Variants in IPMK observed in about 807,000 individuals in gnomAD.
IPMK encodes inositol 1,3,4,6-tetrakisphosphate 5-kinase.
IPMK carries 17 observed loss-of-function variants against 45.8 expected under a neutral mutation model. The ratio of observed to expected loss-of-function variants is 0.37; its 90% confidence interval spans 0.25 to 0.56. IPMK has a LOEUF of 0.56. Ranked by LOEUF, IPMK falls within the 20% of genes least tolerant of loss-of-function variation. IPMK has a pLI of 0.79. For synonymous variants in IPMK, 180 were observed against 184.3 expected (o/e 0.98, Z 0.19); for missense variants, 399 against 498.0 (o/e 0.80, Z 1.89).
In IPMK at chr10:58,211,718, A is replaced by T. The variant is rs188781886; in HGVS notation, c.546+4427T>A. Reference sequence around the variant, plus strand: ...TCAGTGCAACAGTGAAACAGTGCACAGTAGCAACAATGAAACCTCATCTGT... The same window carrying T: ...TCAGTGCAACAGTGAAACAGTGCACTGTAGCAACAATGAAACCTCATCTGT... On this transcript the variant is annotated intron_variant, in intron 4 of 5. Coordinates refer to ENST00000373935, the MANE Select transcript of IPMK (RefSeq NM_152230.5). Among the ~76,000 whole-genome samples, 4 of 149,246 alleles carry T rather than the reference A, an allele frequency of 2.7e-5. No homozygotes were observed. In the East Asian group the frequency reaches 7.9e-4, roughly 30 times the overall value.
In IPMK at chr10:58,195,090, A is replaced by G. The variant is rs1422857879; in HGVS notation, c.*986T>C. The G allele has an allele frequency of 6.6e-6, 1 of 152,042 alleles. No homozygotes were observed. 9.4% of individuals were successfully genotyped at this position (152,042 alleles called of 1,614,324 possible). A position where few individuals can be genotyped will look rare whatever the true frequency, so the allele number is the denominator to read the frequency against. ...ACAACCTAATTAGATATTGTCTTTC[A>G]TTGCTTACTATAATTCTGAGAAACT... is the stretch of plus-strand genomic sequence containing the variant. On this transcript the variant is annotated 3_prime_UTR_variant, in exon 6 of 6. Coordinates refer to ENST00000373935, the MANE Select transcript of IPMK (RefSeq NM_152230.5).
At chr10:58,208,914 T>C (rs1377880275) in intron 4 of IPMK, among the ~76,000 whole-genome samples, 1 of 152,166 alleles carries the variant, frequency 6.6e-6, no homozygotes, top group African/African-American at 2.4e-5. Flanking sequence ...CTGGGGTGGC[T>C]CTCAATTAGA....
At chr10:58,230,040 G>A (rs538912747) in intron 2 of IPMK, among the ~76,000 whole-genome samples, 5 of 152,188 alleles carry the variant, frequency 3.3e-5, no homozygotes, top group Non-Finnish European at 4.4e-5. Context: ...CCATGCCCAC[G>A]GAGCCTTGCT....
intron 4 of IPMK, among the ~76,000 whole-genome samples, chr10:58,211,919 A>AAAT (rs1554823050): frequency 3.4e-5 from 5 of 148,188 alleles, no homozygotes; most frequent in African/African-American, 1.3e-4. Context: ...AAAAAAAAAA[A>AAAT]AAAAAATTTG....
rs527482374 is a variant in IPMK at position 58,253,142 on chromosome 10, A to G, written c.190+14280T>C. On this transcript the variant is annotated intron_variant, in intron 1 of 5. Coordinates refer to ENST00000373935, the MANE Select transcript of IPMK (RefSeq NM_152230.5). ...TCTTTTGGTAGTGAATAAGTCTCTG[A>G]TAGTTTTATAAATGGAAGTTCCACT... Among the ~76,000 whole-genome samples the G allele has an allele frequency of 5.7e-4, 87 of 152,208 alleles. 1 individual carries two copies. The South Asian group carries it at 0.017, about 31-fold the overall frequency.
chr10:58,240,657 G>GAAAAAAAAA (rs200716414), intron 1 of IPMK, among the ~76,000 whole-genome samples: 1 of 114,042 alleles, frequency 8.8e-6, no homozygotes. Flanking sequence ...CATACACCAC[G>GAAAAAAAAA]AAAAAAAAAA....
chr10:58,212,539 CT>C, intron 4 of IPMK: 2 of 208,114 alleles, frequency 9.6e-6, no homozygotes, highest in Non-Finnish European at 1.1e-5. Flanking sequence ...TTTGTTAACC[CT>C]TTTCCATTTC....
At chr10:58,249,030 T>A (rs2132173136) in intron 1 of IPMK, among the ~76,000 whole-genome samples, 1 of 152,366 alleles carries the variant, frequency 6.6e-6, no homozygotes, top group Middle Eastern at 3.4e-3. Flanking sequence ...TACTGATTTC[T>A]TTTGGATATA....
intron 3 of IPMK, among the ~76,000 whole-genome samples, chr10:58,220,319 T>G: frequency 2.6e-5 from 4 of 152,190 alleles, no homozygotes. Flanking sequence ...TAGACTCAGA[T>G]GCATGGCCCT....
At chr10:58,218,956 A>T (rs1475145188) in intron 3 of IPMK, among the ~76,000 whole-genome samples, 3 of 152,188 alleles carry the variant, frequency 2.0e-5, no homozygotes, top group Non-Finnish European at 4.4e-5. Context: ...GGCCTTCCTC[A>T]CACTATAATA....
In IPMK at chr10:58,267,407, GCCACCC is replaced by G; in HGVS notation, c.190+9_190+14del. On this transcript the variant is annotated intron_variant, in intron 1 of 5. Coordinates refer to ENST00000373935, the MANE Select transcript of IPMK (RefSeq NM_152230.5). ...GCGGAAGGGGAGCGGCGAGACCTAT[GCCACCC>G]CCACTTACCCACTTTGTCCTTCCCG... The G allele has an allele frequency of 6.2e-7, 1 of 1,612,726 alleles. No individual in the cohort carries two copies. The highest frequency in any genetic ancestry group is 8.5e-7 in the Non-Finnish European group (1 of 1,179,008).
At chr10:58,229,891 A>G (rs1296659250) in intron 2 of IPMK, among the ~76,000 whole-genome samples, 1 of 152,060 alleles carries the variant, frequency 6.6e-6, no homozygotes, top group Non-Finnish European at 1.5e-5. Context: ...GAGTTGGGGG[A>G]TTTCCCTTTC....
At chr10:58,196,755 G>T in intron 5 of IPMK, 57 bp from the exon 6 acceptor site, 3 of 1,181,202 alleles carry the variant, frequency 2.5e-6, no homozygotes, top group Non-Finnish European at 3.6e-6. Flanking sequence ...TATTATTTGG[G>T]AAGTAAACTC....
chr10:58,208,446 G>A (rs1044056996), intron 4 of IPMK, among the ~76,000 whole-genome samples: 4 of 151,334 alleles, frequency 2.6e-5, no homozygotes, highest in Non-Finnish European at 4.4e-5. Context: ...ATTCCTTCTC[G>A]TTTGGGTAGA....
At chr10:58,226,459 T>C (rs1290628427) in intron 3 of IPMK, among the ~76,000 whole-genome samples, 1 of 152,216 alleles carries the variant, frequency 6.6e-6, no homozygotes, top group East Asian at 1.9e-4. Context: ...TCAATTCACC[T>C]TTGTCAATGG....
intron 2 of IPMK, among the ~76,000 whole-genome samples, chr10:58,231,534 A>G (rs1838520745): frequency 1.3e-5 from 2 of 152,202 alleles, no homozygotes; most frequent in South Asian, 4.1e-4. Context: ...AACATACTTA[A>G]AGAAAAGAAT....
chr10:58,223,581 C>T (rs1410874069), intron 3 of IPMK, among the ~76,000 whole-genome samples: 3 of 152,124 alleles, frequency 2.0e-5, no homozygotes, highest in South Asian at 4.1e-4. Context: ...GTATCAGCTA[C>T]CATCTTGATT....
chr10:58,241,225 G>A (rs1442801836), intron 1 of IPMK, among the ~76,000 whole-genome samples: 1 of 152,152 alleles, frequency 6.6e-6, no homozygotes, highest in Non-Finnish European at 1.5e-5. Flanking sequence ...ACCTGAACAA[G>A]TCCCATTCCC....
chr10:58,267,447 C>T lies in IPMK; in HGVS notation c.165G>A (p.Gly55=). Residue 55 remains glycine (G), a synonymous_variant, in exon 1 of 6, where the codon GGG becomes GGA. Transcript: ENST00000373935. ...GCVPLSHQVA[G]HMYGKDKVGI... Reference sequence around the variant, plus strand: ...CCACTTTGTCCTTCCCGTACATGTGCCCGGCCACCTGATGCGAGAGGGGCA... The same window carrying T: ...CCACTTTGTCCTTCCCGTACATGTGTCCGGCCACCTGATGCGAGAGGGGCA... 1 of 1,613,910 alleles carries T rather than the reference C, an allele frequency of 6.2e-7. No homozygotes were observed. Among genetic ancestry groups the T allele is most frequent in the Non-Finnish European group, 8.5e-7 (1 of 1,179,880 alleles).
Sources: gnomAD v4.1 joint callset for allele counts (sites outside exome capture counted in the v4.1 genomes callset) on GRCh38, gnomAD v4.1.1 for gene constraint, MANE v1.5 for transcripts, NCBI Gene and HGNC (gene_info 2026-07-23, HGNC 2026-07-21) for gene names.